Variants in SVOP observed in about 807,000 individuals in gnomAD.
SVOP encodes synaptic vesicle 2-related protein.
SVOP carries 17 observed loss-of-function variants against 69.1 expected under a neutral mutation model. The ratio of observed to expected loss-of-function variants is 0.25; its 90% CI spans 0.17 to 0.37. The LOEUF is 0.37. Among genes scored for constraint, SVOP ranks in the 10% least tolerant of loss-of-function variants. SVOP has a pLI of 1.00. For synonymous variants in SVOP, 238 were observed against 238.6 expected (o/e 1.00, Z 0.02); for missense variants, 435 against 597.5 (o/e 0.73, Z 2.84).
intron 5 of SVOP, among the ~76,000 whole-genome samples, chr12:108,967,301 C>T (rs980361527): frequency 2.6e-5 from 4 of 151,872 alleles, no homozygotes; most frequent in Non-Finnish European, 5.9e-5. Flanking sequence ...GAGATCGAGA[C>T]CATCCTGGCT....
At chr12:109,002,649 TC>T (rs2040279289) in intron 1 of SVOP, among the ~76,000 whole-genome samples, 1 of 151,826 alleles carries the variant, frequency 6.6e-6, no homozygotes, top group African/African-American at 2.4e-5. Flanking sequence ...TGAGTTCATG[TC>T]CTTTGTAGGG....
chr12:108,937,407 G>A (rs868264339), intron 9 of SVOP, 70 bp from the exon 10 acceptor site: 1 of 1,440,042 alleles, frequency 6.9e-7, no homozygotes, highest in East Asian at 2.3e-5. Context: ...CTGGTGGCCT[G>A]AGACTAGTGC....
At chr12:108,997,590 C>T (rs1248988838) in intron 1 of SVOP, among the ~76,000 whole-genome samples, 9 of 152,072 alleles carry the variant, frequency 5.9e-5, no homozygotes, top group Non-Finnish European at 4.4e-5. Flanking sequence ...AGCAGCGGTT[C>T]TCCCAGCACG....
chr12:108,948,971 A>G (rs1441000295), intron 6 of SVOP, among the ~76,000 whole-genome samples: 2 of 152,228 alleles, frequency 1.3e-5, no homozygotes, highest in South Asian at 2.1e-4. Flanking sequence ...TACCAAATCG[A>G]AGTCAAACTA....
chr12:108,922,788 C>T lies in SVOP; in HGVS notation c.1058G>A (p.Arg353Gln), dbSNP rs761599710. The change falls in exon 12 of 16, where the codon CGG becomes CAG. Residue 353 changes from arginine (R) to glutamine (Q), a missense_variant. Transcript: ENST00000610966. ...QAGDVCGISSRKKAVEAKCSL... is the reference protein window; with the variant it reads ...QAGDVCGISSQKKAVEAKCSL... Reference sequence around the variant, plus strand: ...GCATTTTGCCTCTACAGCCTTCTTCCGACTGGAGACTGGGGTTGGGAGAGA... The same window carrying T: ...GCATTTTGCCTCTACAGCCTTCTTCTGACTGGAGACTGGGGTTGGGAGAGA... 14 of 1,605,334 alleles carry T rather than the reference C, an allele frequency of 8.7e-6. No homozygotes were observed. Among genetic ancestry groups the T allele is most frequent in the South Asian group, 4.5e-5 (4 of 88,966 alleles).
intron 7 of SVOP, among the ~76,000 whole-genome samples, chr12:108,943,554 C>T (rs1344884782): frequency 2.0e-5 from 3 of 150,472 alleles, no homozygotes; most frequent in East Asian, 2.0e-4. Flanking sequence ...GCCAAGATCG[C>T]GCCACTGCAC....
At chr12:108,928,139 A>T (rs2039793115) in intron 11 of SVOP, among the ~76,000 whole-genome samples, 1 of 151,858 alleles carries the variant, frequency 6.6e-6, no homozygotes, top group South Asian at 2.1e-4. Flanking sequence ...CCTGACCTCA[A>T]GTGGTCCACC....
At chr12:109,005,278 A>C (rs1286409603) in intron 1 of SVOP, among the ~76,000 whole-genome samples, 1 of 152,142 alleles carries the variant, frequency 6.6e-6, no homozygotes, top group Non-Finnish European at 1.5e-5. Context: ...TACCTGTGTG[A>C]CCCTGGGTAG....
At chr12:108,938,153 A>G (rs1196037266) in intron 9 of SVOP, among the ~76,000 whole-genome samples, 1 of 152,296 alleles carries the variant, frequency 6.6e-6, no homozygotes, top group African/African-American at 2.4e-5. Flanking sequence ...TAATATAAAA[A>G]GAATCAGAAA....
chr12:108,952,940 G>T (rs1264041955), intron 6 of SVOP, among the ~76,000 whole-genome samples: 1 of 152,040 alleles, frequency 6.6e-6, no homozygotes, highest in Non-Finnish European at 1.5e-5. Flanking sequence ...GTCATACGGG[G>T]ATAAAACAGT....
At chr12:108,969,619 G>A (rs1281854428) in intron 5 of SVOP, among the ~76,000 whole-genome samples, 3 of 150,220 alleles carry the variant, frequency 2.0e-5, no homozygotes, top group African/African-American at 4.9e-5. Flanking sequence ...GAGCCACCGC[G>A]TTCATGCCCT....
At chr12:108,954,113 CAAAA>C (rs760331681) in intron 6 of SVOP, among the ~76,000 whole-genome samples, 25 of 61,994 alleles carry the variant, frequency 4.0e-4, no homozygotes, top group African/African-American at 1.2e-3. Context: ...GAATCTGTCT[CAAAA>C]AAAAAAAAAA....
intron 11 of SVOP, among the ~76,000 whole-genome samples, chr12:108,931,832 CAAA>C (rs34806582): frequency 0.014 from 1,772 of 126,466 alleles, 20 homozygotes; most frequent in East Asian, 0.042. Flanking sequence ...GACTCCGTCT[CAAA>C]AAAAAAAAAA....
intron 6 of SVOP, among the ~76,000 whole-genome samples, chr12:108,959,538 G>T (rs2040005393): frequency 1.3e-5 from 2 of 151,902 alleles, no homozygotes; most frequent in African/African-American, 4.8e-5. Context: ...ATTTTTAGTA[G>T]AGATGGGGTT....
intron 2 of SVOP, among the ~76,000 whole-genome samples, chr12:108,978,999 G>C (rs1391578266): frequency 1.3e-5 from 2 of 152,056 alleles, no homozygotes; most frequent in Non-Finnish European, 2.9e-5. Context: ...GATACACAAA[G>C]TATATTGTTA....
intron 15 of SVOP, 85 bp from the exon 16 acceptor site, chr12:108,912,826 G>T: frequency 7.4e-7 from 1 of 1,342,682 alleles, no homozygotes; most frequent in South Asian, 1.3e-5. Flanking sequence ...AGTAACATCA[G>T]GCCCTCTCGT....
intron 12 of SVOP, among the ~76,000 whole-genome samples, chr12:108,921,245 G>C (rs1326621604): frequency 6.6e-6 from 1 of 152,132 alleles, no homozygotes; most frequent in Admixed American, 6.5e-5. Context: ...AGCTGTGTGG[G>C]GAAAGGGTTT....
Position 108,961,045 on chromosome 12 carries a change from C to T in SVOP, c.456G>A (p.Gly152=), listed in dbSNP as rs1363271390. The stretch of plus-strand genomic sequence containing the variant: ...GAGTCCACAGCACGCTGATCTTCAG[C>T]CCCTGAAGAGAAGGAAGACACGGAA... ...NISDQYGRKT[G]LKISVLWTLY... The change falls in exon 6 of 16, where the codon GGG becomes GGA. Residue 152 remains glycine, a splice_region_variant and synonymous_variant. Coordinates refer to ENST00000610966, the MANE Select transcript of SVOP (RefSeq NM_018711.5). 2 of 1,534,848 alleles carry T rather than the reference C, an allele frequency of 1.3e-6. No individual in the cohort carries two copies. The highest frequency in any genetic ancestry group is 1.4e-5 in the African/African-American group (1 of 72,974).
intron 6 of SVOP, among the ~76,000 whole-genome samples, chr12:108,956,710 C>T (rs1253773590): frequency 1.3e-5 from 2 of 152,200 alleles, no homozygotes; most frequent in Non-Finnish European, 2.9e-5. Flanking sequence ...GTCTGACCCA[C>T]TGACAAAGGA....
Sources: gnomAD v4.1 joint callset for allele counts (sites outside exome capture counted in the v4.1 genomes callset) on GRCh38, gnomAD v4.1.1 for gene constraint, MANE v1.5 for transcripts, NCBI Gene and HGNC (gene_info 2026-07-23, HGNC 2026-07-21) for gene names.